Variants in CCNH observed in about 807,000 individuals in gnomAD.
CCNH encodes the protein cyclin H, also known as cyclin-H.
CCNH carries 31 observed loss-of-function variants against 41.9 expected under a neutral mutation model. That is an observed-to-expected ratio of 0.74 (90% CI 0.56 to 1.00). The LOEUF (loss-of-function observed/expected upper bound fraction) is 1.00. Ranked by LOEUF, CCNH falls within the 50% of genes least tolerant of loss-of-function variation. CCNH has a pLI of 0.00. For synonymous variants in CCNH, 138 were observed against 136.1 expected (o/e 1.01, Z -0.10); for missense variants, 362 against 388.4 (o/e 0.93, Z 0.57).
At chr5:87,401,799 A>G in intron 5 of CCNH, 27 bp from the exon 6 acceptor site, 2 of 1,347,138 alleles carry the variant, frequency 1.5e-6, no homozygotes, top group East Asian at 4.7e-5. Flanking sequence ...AAAAAAATCT[A>G]TTGAAAACAT....
In CCNH at chr5:87,409,634, G is replaced by GTA. The variant is rs201500348; in HGVS notation, c.241-272_241-271insTA. On this transcript the variant is annotated intron_variant, in intron 2 of 8. Transcript: ENST00000256897. ...GGTCACTGGATTTAAAAATACGTGT[G>GTA]TGTGTGTGTGTGTGTGTGTGTGTGT... is the stretch of plus-strand genomic sequence containing the variant. 8.7e-3 allele frequency among the ~76,000 whole-genome samples: 1,222 copies of GTA among 141,216 alleles called. 17 individuals are homozygous for GTA. The highest frequency in any genetic ancestry group is 0.035 in the African/African-American group (1,145 of 32,690). The allele number at this position is 141,216 out of a possible 152,430, so 92.6% of individuals were successfully genotyped here.
intron 9 of CCNH, chr5:87,331,117 T>A: frequency 2.3e-6 from 2 of 860,380 alleles, no homozygotes; most frequent in Non-Finnish European, 3.5e-6. Context: ...GAGATTTATA[T>A]ATGAGATGAC....
intron 9 of CCNH, among the ~76,000 whole-genome samples, chr5:87,327,407 A>G (rs1281567058): frequency 1.3e-5 from 2 of 152,196 alleles, no homozygotes; most frequent in African/African-American, 4.8e-5. Flanking sequence ...TGAGGTTGAG[A>G]TAGAAATTAA....
At chr5:87,328,961 C>G (rs1757421339) in intron 9 of CCNH, among the ~76,000 whole-genome samples, 1 of 130,358 alleles carries the variant, frequency 7.7e-6, no homozygotes, top group Admixed American at 7.6e-5. Context: ...AAGCTGATGG[C>G]TGGATAATTT....
downstream of CCNH, chr5:87,374,965 A>G (rs779959700): frequency 3.2e-6 from 5 of 1,564,006 alleles, no homozygotes; most frequent in South Asian, 2.4e-5. Context: ...TGTTTTATAT[A>G]CTTTCAAAAT....
At chr5:87,406,061 T>C (rs1387836342) in intron 4 of CCNH, among the ~76,000 whole-genome samples, 4 of 152,180 alleles carry the variant, frequency 2.6e-5, no homozygotes, top group Non-Finnish European at 4.4e-5. Flanking sequence ...TCTGTCTTAA[T>C]GTCTTTGATA....
intron 9 of CCNH, among the ~76,000 whole-genome samples, chr5:87,369,232 C>T (rs1003522931): frequency 2.0e-5 from 3 of 152,030 alleles, no homozygotes; most frequent in Admixed American, 1.3e-4. Context: ...TAAATTATTA[C>T]CTAATATTGT....
intron 9 of CCNH, among the ~76,000 whole-genome samples, chr5:87,351,708 C>A (rs781561023): frequency 4.0e-5 from 6 of 151,506 alleles, no homozygotes; most frequent in Non-Finnish European, 8.9e-5. Context: ...GGTGTTTCTG[C>A]GTAGAGTATA....
chr5:87,368,575 T>C (rs1020672968), intron 9 of CCNH, among the ~76,000 whole-genome samples: 3 of 152,230 alleles, frequency 2.0e-5, no homozygotes, highest in Non-Finnish European at 4.4e-5. Context: ...ATAGGGTTAG[T>C]ACATCTTGTA....
In CCNH at chr5:87,394,413, A is replaced by ATTAG. The variant is rs372734980; in HGVS notation, c.*29_*32dup. ...TTTGATATGCTTCCTACTTCTCTTG[A>ATTAG]TTAGTTAGCATTGAGAAATCAACTT... On this transcript the variant is annotated 3_prime_UTR_variant, in exon 9 of 9. Coordinates refer to ENST00000256897, the MANE Select transcript of CCNH (RefSeq NM_001239.4). 2,238 of 1,605,670 alleles carry ATTAG rather than the reference A, an allele frequency of 1.4e-3. 28 individuals are homozygous for ATTAG. In the African/African-American group the frequency reaches 0.027, roughly 20 times the overall value.
At position 87,349,257 on chromosome 5, in the gene CCNH, T is replaced by C. The variant is rs1561300365; in HGVS notation, c.*91-30360A>G. 3 of 1,612,098 alleles carry C rather than the reference T, an allele frequency of 1.9e-6. No homozygotes were observed. Among genetic ancestry groups the C allele is most frequent in the Non-Finnish European group, 2.5e-6 (3 of 1,178,760 alleles). ...TTCTTGTGAGGCCCTCAGATAATAC[T>C]CCTGGCGATTATTCACTTTATTTCC... On this transcript the variant is annotated intron_variant and NMD_transcript_variant, in intron 9 of 9. Transcript: ENST00000645953.
At chr5:87,323,163 G>A (rs903883931) in intron 9 of CCNH, among the ~76,000 whole-genome samples, 11 of 152,270 alleles carry the variant, frequency 7.2e-5, no homozygotes, top group African/African-American at 2.2e-4. Context: ...GAAAAGGCAC[G>A]TAGAAAATGC....
At chr5:87,392,205 T>A (rs1190221434), downstream of CCNH, 4 of 452,812 alleles carry the variant, frequency 8.8e-6, no homozygotes, top group Non-Finnish European at 1.8e-5. Context: ...GTTCCCACAG[T>A]AAGGAAAGCC....
At chr5:87,328,506 T>C (rs1016649454) in intron 9 of CCNH, among the ~76,000 whole-genome samples, 1 of 152,166 alleles carries the variant, frequency 6.6e-6, no homozygotes, top group Non-Finnish European at 1.5e-5. Context: ...TTTTTAAAAA[T>C]TGAGTATTTT....
Position 87,397,586 on chromosome 5 carries a change from C to T in CCNH, c.872+1808G>A, listed in dbSNP as rs896736629. ...TTTTATTGAATTTTACAAAAGTATA[C>T]ATCTAGTGATTTTTTTTTAAAAAAG... On this transcript the variant is annotated intron_variant, in intron 7 of 8. Transcript: ENST00000256897. 3.9e-5 allele frequency among the ~76,000 whole-genome samples: 6 copies of T among 152,128 alleles called. No individual in the cohort carries two copies. The East Asian group carries it at 1.2e-3, about 29-fold the overall frequency.
At chr5:87,363,195 T>G (rs981559234) in intron 9 of CCNH, among the ~76,000 whole-genome samples, 1 of 152,072 alleles carries the variant, frequency 6.6e-6, no homozygotes, top group African/African-American at 2.4e-5. Context: ...ACAGATTTGT[T>G]ATAGGCATTT....
At chr5:87,314,027 GGC>G (rs1334012735), downstream of CCNH, among the ~76,000 whole-genome samples, 3 of 152,144 alleles carry the variant, frequency 2.0e-5, no homozygotes, top group Non-Finnish European at 4.4e-5. Context: ...AAATGAGCCA[GGC>G]GTGGTGGCAC....
At chr5:87,389,152 C>T (rs963074432), downstream of CCNH, among the ~76,000 whole-genome samples, 3 of 151,796 alleles carry the variant, frequency 2.0e-5, no homozygotes, top group African/African-American at 7.3e-5. Flanking sequence ...CATGAGACTA[C>T]AGAGAAAGAT....
In CCNH at chr5:87,329,281, C is replaced by CAAAAAAAAAAAAAAAAAAAA. The variant is rs571157213; in HGVS notation, c.*91-10385_*91-10384insTTTTTTTTTTTTTTTTTTTT. ...GTGACATGGCAAAACTCTGTCTCTC[C>CAAAAAAAAAAAAAAAAAAAA]AAAAAAAAAAAAAAGCTGGATGTGG... On this transcript the variant is annotated intron_variant and NMD_transcript_variant, in intron 9 of 9. Transcript: ENST00000645953. Among the ~76,000 whole-genome samples, 59 of 119,156 alleles carry CAAAAAAAAAAAAAAAAAAAA rather than the reference C, an allele frequency of 5.0e-4. 1 individual carries two copies. The highest frequency in any genetic ancestry group is 1.7e-3 in the African/African-American group (56 of 32,748). 78.2% of individuals were successfully genotyped at this position (119,156 alleles called of 152,430 possible).
Sources: allele counts gnomAD v4.1 joint callset (sites outside exome capture counted in the v4.1 genomes callset), GRCh38; gene constraint gnomAD v4.1.1; transcripts MANE v1.5; gene names NCBI Gene and HGNC (gene_info 2026-07-23, HGNC 2026-07-21).